The following CACNA2D3 variants were observed in gnomAD, a reference collection of about 807,000 sequenced individuals.
CACNA2D3 encodes calcium voltage-gated channel auxiliary subunit alpha2delta 3, also known as voltage-dependent calcium channel subunit alpha-2/delta-3.
A neutral mutation model predicts 160.6 loss-of-function variants in CACNA2D3; 60 were observed. The observed-to-expected ratio is 0.37, with a 90% CI of 0.30 to 0.46. The LOEUF (loss-of-function observed/expected upper bound fraction) is 0.46. Ranked by LOEUF, CACNA2D3 falls within the 20% of genes least tolerant of loss-of-function variation. CACNA2D3 has a pLI of 1.00. For missense variants in CACNA2D3, 1,205 were observed against 1,365.0 expected (o/e 0.88, Z 1.85); for synonymous variants, 558 against 492.9 (o/e 1.13, Z -1.75).
At chr3:54,978,094 T>C (rs1702430700) in intron 29 of CACNA2D3, among the ~76,000 whole-genome samples, 1 of 152,100 alleles carries the variant, frequency 6.6e-6, no homozygotes, top group South Asian at 2.1e-4. Flanking sequence ...TTGGTTTTGG[T>C]GGTTTTAGCC....
intron 13 of CACNA2D3, among the ~76,000 whole-genome samples, chr3:54,778,706 T>C (rs1264915436): frequency 2.6e-5 from 4 of 152,228 alleles, no homozygotes; most frequent in African/African-American, 7.2e-5. Context: ...AGTAAGTATA[T>C]GTATAGAATC....
rs1005391223 is a variant in CACNA2D3, at chr3:54,273,458, G to T, written c.205-46984G>T. Among the ~76,000 whole-genome samples, 6 of 151,934 alleles carry T rather than the reference G, an allele frequency of 3.9e-5. No homozygotes were observed. In the South Asian group the frequency reaches 1.2e-3, roughly 32 times the overall value. Reference sequence around the variant, plus strand: ...TTTATTTCCCACTGATTTCTTTAATGCCCCAATCACATATAAACTAAACCA... The same window carrying T: ...TTTATTTCCCACTGATTTCTTTAATTCCCCAATCACATATAAACTAAACCA... On this transcript the variant is annotated intron_variant, in intron 2 of 37. Transcript: ENST00000474759.
intron 12 of CACNA2D3, 21 bp downstream of exon 12, chr3:54,752,698 C>G (rs186672052): frequency 2.1e-4 from 323 of 1,575,076 alleles, no homozygotes; most frequent in Admixed American, 5.2e-4. Flanking sequence ...GCATTGTGCT[C>G]GGCTCTGAAT....
chr3:54,138,330 G>A (rs1179299609), intron 2 of CACNA2D3, among the ~76,000 whole-genome samples: 1 of 152,234 alleles, frequency 6.6e-6, no homozygotes, highest in Non-Finnish European at 1.5e-5. Context: ...ATGCTGGGGA[G>A]CAGTGGGGAG....
chr3:54,723,454 A>G (rs1256153359), intron 11 of CACNA2D3, among the ~76,000 whole-genome samples: 1 of 152,150 alleles, frequency 6.6e-6, no homozygotes, highest in Admixed American at 6.5e-5. Context: ...AAAAACTCCT[A>G]CAGCTAGTTC....
chr3:54,851,114 T>G (rs190035744), intron 17 of CACNA2D3, among the ~76,000 whole-genome samples: 1 of 152,334 alleles, frequency 6.6e-6, no homozygotes, highest in East Asian at 1.9e-4. Context: ...GTTGTTGGTA[T>G]TAGTATATTT....
intron 18 of CACNA2D3, among the ~76,000 whole-genome samples, chr3:54,871,863 C>A (rs915911313): frequency 2.0e-5 from 3 of 152,200 alleles, no homozygotes; most frequent in African/African-American, 7.2e-5. Flanking sequence ...CTAAAACCAT[C>A]CCCCTGCGGA....
At chr3:54,799,037 G>C (rs1702928239) in intron 13 of CACNA2D3, among the ~76,000 whole-genome samples, 1 of 152,188 alleles carries the variant, frequency 6.6e-6, no homozygotes, top group Admixed American at 6.5e-5. Context: ...GTTTATGAAA[G>C]TGGTGATTGT....
At chr3:54,595,938 T>C (rs1702945622) in intron 9 of CACNA2D3, among the ~76,000 whole-genome samples, 1 of 152,108 alleles carries the variant, frequency 6.6e-6, no homozygotes, top group Non-Finnish European at 1.5e-5. Flanking sequence ...ATTTACTCTA[T>C]ATAGGGCCCC....
intron 17 of CACNA2D3, among the ~76,000 whole-genome samples, chr3:54,871,218 CACACA>C (rs1699525286): frequency 9.7e-6 from 1 of 103,244 alleles, no homozygotes; most frequent in Non-Finnish European, 1.9e-5. Flanking sequence ...CACACACACA[CACACA>C]CCCCCCATTC....
At chr3:54,807,594 G>T (rs188788627) in intron 13 of CACNA2D3, among the ~76,000 whole-genome samples, 8,306 of 151,430 alleles carry the variant, frequency 0.055, 315 homozygotes, top group Non-Finnish European at 0.082. Context: ...GGAACACTTT[G>T]ACACTGTTGG....
At chr3:54,213,853 G>A (rs1180111293) in intron 2 of CACNA2D3, among the ~76,000 whole-genome samples, 1 of 152,180 alleles carries the variant, frequency 6.6e-6, no homozygotes, top group Non-Finnish European at 1.5e-5. Context: ...AAAGCTAATG[G>A]CATTGATACC....
chr3:54,237,708 G>A (rs1191181480), intron 2 of CACNA2D3, among the ~76,000 whole-genome samples: 1 of 152,146 alleles, frequency 6.6e-6, no homozygotes, highest in Non-Finnish European at 1.5e-5. Context: ...GAAAATCCAA[G>A]TGCTTCTGTT....
chr3:54,809,350 C>T lies in CACNA2D3; in HGVS notation c.1381-7503C>T, dbSNP rs539248751. Among the ~76,000 whole-genome samples the T allele has an allele frequency of 4.4e-4, 37 of 84,314 alleles. 3 individuals are homozygous for T. Among genetic ancestry groups the T allele is most frequent in the Middle Eastern group, 8.8e-3 (1 of 114 alleles). 55.3% of individuals were successfully genotyped at this position (84,314 alleles called of 152,430 possible). On this transcript the variant is annotated intron_variant, in intron 13 of 37. Transcript: ENST00000474759. ...TTTTTGAGACGGAGTCTCGCTCTGT[C>T]GCCCAGGTCGGACTGCGGACTGCAG...
At chr3:54,899,900 G>A in intron 27 of CACNA2D3, 32 bp downstream of exon 27, 1 of 1,480,386 alleles carries the variant, frequency 6.8e-7, no homozygotes, top group Non-Finnish European at 9.3e-7. Flanking sequence ...TGAAGACAAA[G>A]TAAGCATGGC....
chr3:54,933,552 G>T (rs1701259129), intron 27 of CACNA2D3, among the ~76,000 whole-genome samples: 1 of 152,172 alleles, frequency 6.6e-6, no homozygotes, highest in South Asian at 2.1e-4. Context: ...ATGTTGTCTA[G>T]CAGTGTGTCT....
intron 4 of CACNA2D3, among the ~76,000 whole-genome samples, chr3:54,433,783 A>G (rs1031852464): frequency 1.3e-5 from 2 of 152,208 alleles, no homozygotes; most frequent in Non-Finnish European, 2.9e-5. Flanking sequence ...ACAGACTGCA[A>G]GAAAAGCCTG....
chr3:54,676,908 G>C (rs182397749), intron 11 of CACNA2D3, among the ~76,000 whole-genome samples: 1 of 152,250 alleles, frequency 6.6e-6, no homozygotes, highest in East Asian at 1.9e-4. Flanking sequence ...AAATTTTTTG[G>C]CACCAAGTAG....
Position 54,368,249 on chromosome 3 carries a change from C to T in CACNA2D3, c.322-18466C>T, listed in dbSNP as rs144683015. On this transcript the variant is annotated intron_variant, in intron 3 of 37. Coordinates refer to ENST00000474759, the MANE Select transcript of CACNA2D3 (RefSeq NM_018398.3). ...CTTTGGAAGGCCGAGGTGGGAGGAT[C>T]GCTTGAGCCCGGGAGTTCTAGACCA... 1.0e-3 allele frequency among the ~76,000 whole-genome samples: 157 copies of T among 152,226 alleles called. 2 individuals carry two copies. Among genetic ancestry groups the T allele is most frequent in the African/African-American group, 3.7e-3 (155 of 41,566 alleles).
Sources: gnomAD v4.1 joint callset for allele counts (sites outside exome capture counted in the v4.1 genomes callset) on GRCh38, gnomAD v4.1.1 for gene constraint, MANE v1.5 for transcripts, NCBI Gene and HGNC (gene_info 2026-07-23, HGNC 2026-07-21) for gene names.